OBP2B: variants seen among roughly 807,000 people sequenced by gnomAD.
OBP2B encodes odorant-binding protein 2b.
A neutral mutation model predicts 21.7 loss-of-function variants in OBP2B; 10 were observed. The observed-to-expected ratio is 0.46, with a 90% confidence interval of 0.28 to 0.78. The LOEUF is 0.78. OBP2B is among the 30% of genes least tolerant of loss of function. OBP2B has a pLI of 0.11. For synonymous variants in OBP2B, 73 were observed against 91.5 expected (o/e 0.80, Z 1.16); for missense variants, 153 against 217.7 (o/e 0.70, Z 1.87).
the OBP2B span, among the ~76,000 whole-genome samples, chr9:133,218,500 G>A: frequency 2.0e-4 from 31 of 152,282 alleles, no homozygotes; most frequent in Non-Finnish European, 2.4e-4. Context: ...GAAAAGACGC[G>A]GCAATAACCC....
At chr9:133,215,902 C>G in the OBP2B span, among the ~76,000 whole-genome samples, 1 of 152,142 alleles carries the variant, frequency 6.6e-6, no homozygotes, top group Non-Finnish European at 1.5e-5. Flanking sequence ...AAAAGAAGAA[C>G]CACAACCTTG....
chr9:133,214,288 C>T, the OBP2B span, among the ~76,000 whole-genome samples: 5 of 152,220 alleles, frequency 3.3e-5, no homozygotes, highest in Non-Finnish European at 7.3e-5. Flanking sequence ...GTAACTGGCT[C>T]AAGTCCAGCT....
At chr9:133,220,906 G>A in the OBP2B span, among the ~76,000 whole-genome samples, 32 of 152,208 alleles carry the variant, frequency 2.1e-4, no homozygotes, top group Admixed American at 5.2e-4. Flanking sequence ...AAGAGGCTGT[G>A]CTGCTGGCTT....
the OBP2B span, among the ~76,000 whole-genome samples, chr9:133,214,910 C>T: frequency 6.6e-6 from 1 of 151,926 alleles, no homozygotes; most frequent in Non-Finnish European, 1.5e-5. Context: ...CTAGTCAGAG[C>T]AATAAAGGTT....
At chr9:133,221,851 A>G in the OBP2B span, among the ~76,000 whole-genome samples, 1 of 152,134 alleles carries the variant, frequency 6.6e-6, no homozygotes, top group Non-Finnish European at 1.5e-5. Flanking sequence ...CAGAACTGGG[A>G]CATTTATGTG....
intron 3 of OBP2B, 161 bp downstream of exon 3, chr9:133,207,947 TGTCACACCCGGTGTCTGATGTCAGG>T: frequency 6.5e-7 from 1 of 1,534,518 alleles, no homozygotes; most frequent in Non-Finnish European, 8.7e-7. Flanking sequence ...CGGACAAGCC[TGTCACACCCGGTGTCTGATGTCAGG>T]GCCACCAGCC....
At chr9:133,222,191 C>A in the OBP2B span, among the ~76,000 whole-genome samples, 3 of 152,182 alleles carry the variant, frequency 2.0e-5, no homozygotes, top group East Asian at 1.9e-4. Context: ...TCCGCCCAAG[C>A]CCCTGCACCA....
the OBP2B span, among the ~76,000 whole-genome samples, chr9:133,220,812 G>GGGGC: frequency 2.6e-5 from 4 of 152,210 alleles, no homozygotes; most frequent in African/African-American, 9.6e-5. Flanking sequence ...TGTTATCACA[G>GGGGC]GGGCCCTTAT....
chr9:133,213,409 G>A (rs555405073), upstream of OBP2B, among the ~76,000 whole-genome samples: 5 of 152,152 alleles, frequency 3.3e-5, no homozygotes, highest in South Asian at 1.0e-3. Flanking sequence ...AAGAAGAAAA[G>A]AAATAACAAA....
chr9:133,219,095 G>A, the OBP2B span, among the ~76,000 whole-genome samples: 37 of 152,240 alleles, frequency 2.4e-4, 1 homozygote, highest in Non-Finnish European at 4.7e-4. Flanking sequence ...AAAGACTGAG[G>A]TGGGACCTCA....
chr9:133,215,108 A>G, the OBP2B span, among the ~76,000 whole-genome samples: 2 of 152,226 alleles, frequency 1.3e-5, no homozygotes, highest in Non-Finnish European at 2.9e-5. Flanking sequence ...TAAATATACA[A>G]AGATCAATTG....
chr9:133,205,506 C>T (rs1442672912), intron 6 of OBP2B, 95 bp from the exon 7 acceptor site: 12 of 885,172 alleles, frequency 1.4e-5, no homozygotes, highest in South Asian at 1.8e-5. Context: ...GCCCCCACAT[C>T]GGCCACTGCT....
chr9:133,217,657 C>T, the OBP2B span, among the ~76,000 whole-genome samples: 2 of 152,206 alleles, frequency 1.3e-5, no homozygotes, highest in Non-Finnish European at 2.9e-5. Flanking sequence ...CCAGCCCCAG[C>T]CCACCTGCCT....
At chr9:133,213,255 A>G (rs7858604), upstream of OBP2B, among the ~76,000 whole-genome samples, 6,261 of 152,208 alleles carry the variant, frequency 0.041, 282 homozygotes, top group African/African-American at 0.11. Context: ...CAAACAAACA[A>G]AAACATATCA....
the OBP2B span, among the ~76,000 whole-genome samples, chr9:133,215,850 G>A: frequency 6.6e-6 from 1 of 152,344 alleles, no homozygotes; most frequent in Non-Finnish European, 1.5e-5. Flanking sequence ...TGTAGCAAAT[G>A]GGCTGGATTA....
chr9:133,205,381 G>A lies in OBP2B; in HGVS notation c.*32C>T. On this transcript the variant is annotated 3_prime_UTR_variant, in exon 7 of 7. Transcript: ENST00000372034. ...TCCAGGCTCTGTGTCTGGTGGTAGG[G>A]TGGGCTCTGGAGGTGCAGACCCGGG... is the stretch of plus-strand genomic sequence containing the variant. 2.0e-6 allele frequency: 3 copies of A among 1,509,350 alleles called. No homozygotes were observed. The highest frequency in any genetic ancestry group is 1.2e-5 in the South Asian group (1 of 82,760). The allele number at this position is 1,509,350 out of a possible 1,614,324, so 93.5% of individuals were successfully genotyped here.
the OBP2B span, among the ~76,000 whole-genome samples, chr9:133,222,899 T>C: frequency 6.6e-6 from 1 of 151,588 alleles, no homozygotes; most frequent in Admixed American, 6.6e-5. Context: ...TCTGTAACTC[T>C]TCACCGGAGC....
At chr9:133,205,535 A>T in intron 6 of OBP2B, 124 bp from the exon 7 acceptor site, 1 of 677,078 alleles carries the variant, frequency 1.5e-6, no homozygotes, top group Non-Finnish European at 2.5e-6. Context: ...TCGGGGCTCC[A>T]GAGCGACCTC....
intron 1 of OBP2B, among the ~76,000 whole-genome samples, chr9:133,208,813 G>A (rs1236922616): frequency 2.0e-5 from 3 of 152,020 alleles, no homozygotes; most frequent in Admixed American, 6.5e-5. Flanking sequence ...TGGAAGGAGG[G>A]CATGTCTGCA....
Sources: gnomAD v4.1 joint callset for allele counts (sites outside exome capture counted in the v4.1 genomes callset) on GRCh38, gnomAD v4.1.1 for gene constraint, MANE v1.5 for transcripts, NCBI Gene and HGNC (gene_info 2026-07-23, HGNC 2026-07-21) for gene names.